The following FGD5 variants were observed in gnomAD, a reference collection of about 807,000 sequenced individuals.
FGD5 encodes the protein FYVE, RhoGEF and PH domain-containing protein 5.
A neutral mutation model predicts 133.4 loss-of-function variants in FGD5; 28 were observed. That is an observed-to-expected ratio of 0.21 (90% confidence interval 0.16 to 0.29). FGD5 has a LOEUF of 0.29. Among genes scored for constraint, FGD5 ranks in the 10% least tolerant of loss-of-function variants. FGD5 has a pLI of 1.00. For synonymous variants in FGD5, 810 were observed against 776.5 expected (o/e 1.04, Z -0.72); for missense variants, 1,858 against 1,895.2 (o/e 0.98, Z 0.36).
chr3:14,884,784 G>A (rs1421862035), intron 4 of FGD5, among the ~76,000 whole-genome samples: 4 of 152,136 alleles, frequency 2.6e-5, no homozygotes, highest in Non-Finnish European at 5.9e-5. Context: ...GGCAGCCGAA[G>A]GCCCATGGGA....
At chr3:14,887,746 G>A (rs573685244) in intron 4 of FGD5, among the ~76,000 whole-genome samples, 1 of 152,188 alleles carries the variant, frequency 6.6e-6, no homozygotes, top group East Asian at 1.9e-4. Context: ...ATCCAGCCCA[G>A]TCTTCTTGGA....
At chr3:14,853,636 C>CTTTTTTTTTTTTTTTTTTTTTT (rs34008934) in intron 1 of FGD5, among the ~76,000 whole-genome samples, 3 of 37,126 alleles carry the variant, frequency 8.1e-5, no homozygotes, top group Non-Finnish European at 9.0e-5. Context: ...AAAAGCGTTC[C>CTTTTTTTTTTTTTTTTTTTTTT]TTTTTTTTTT....
intron 13 of FGD5, among the ~76,000 whole-genome samples, chr3:14,920,127 T>C (rs1009097667): frequency 3.9e-5 from 6 of 152,086 alleles, no homozygotes; most frequent in African/African-American, 1.4e-4. Context: ...TCTCGGGGGC[T>C]TGGAAACCAG....
chr3:14,827,332 A>T (rs1173841736), intron 1 of FGD5, among the ~76,000 whole-genome samples: 1 of 129,040 alleles, frequency 7.7e-6, no homozygotes, highest in Non-Finnish European at 1.5e-5. Context: ...TCTGTTGCCC[A>T]GGCTGGAGTG....
intron 1 of FGD5, among the ~76,000 whole-genome samples, chr3:14,831,516 G>C (rs1258157909): frequency 6.6e-6 from 1 of 152,152 alleles, no homozygotes. Flanking sequence ...CTCTGGAGTG[G>C]TTTGGAACCA....
intron 18 of FGD5, among the ~76,000 whole-genome samples, chr3:14,928,826 T>C (rs2038857620): frequency 6.6e-6 from 1 of 152,224 alleles, no homozygotes; most frequent in African/African-American, 2.4e-5. Flanking sequence ...ACATTTCTTT[T>C]ATCAAGTACC....
rs772600943 is a variant in FGD5, at chr3:14,820,290, G to C, written c.1219G>C (p.Gly407Arg). 4.4e-6 allele frequency: 7 copies of C among 1,605,272 alleles called. No homozygotes were observed. The Admixed American group carries it at 1.2e-4, about 27-fold the overall frequency. ...CTCCCTACAGGGTGGAGCGGCCGAG[G>C]GTCCCGCAGCCCCTGATGTGGTGGT... ...CGSLQGGAAEGPAAPDVVVVL... is the reference protein window; with the variant it reads ...CGSLQGGAAERPAAPDVVVVL... The change falls in exon 1 of 20, where the codon GGT becomes CGT. Residue 407 changes from glycine (G) to arginine (R), a missense_variant. Physicochemically the swap from Gly to Arg is moderately radical, Grantham distance 125 (BLOSUM62 -2). This residue lies in a region of FGD5 where 1,824 missense variants were observed against 1,848.9 expected (regional missense o/e 0.99). Transcript: ENST00000285046.
At chr3:14,851,691 C>T (rs2037167952) in intron 1 of FGD5, among the ~76,000 whole-genome samples, 1 of 152,112 alleles carries the variant, frequency 6.6e-6, no homozygotes, top group South Asian at 2.1e-4. Context: ...TTATGAGGTT[C>T]CTGAAGATCT....
chr3:14,842,452 G>A (rs1028876157), intron 1 of FGD5, among the ~76,000 whole-genome samples: 1 of 152,180 alleles, frequency 6.6e-6, no homozygotes, highest in Admixed American at 6.5e-5. Context: ...GGGTTCCAGA[G>A]CCCATCTCAG....
In FGD5 at chr3:14,932,749, T is replaced by TA; in HGVS notation, c.4352+19dup. 1 of 1,608,296 alleles carries TA rather than the reference T, an allele frequency of 6.2e-7. No individual in the cohort carries two copies. Among genetic ancestry groups the TA allele is most frequent in the Non-Finnish European group, 8.5e-7 (1 of 1,178,090 alleles). ...GCTCAGAGGTACGAAAAGAACTAATTAGTCTTATAGCTTTTTGTTCTCTCA... is the reference window on the plus strand; with the variant it reads ...GCTCAGAGGTACGAAAAGAACTAATTAAGTCTTATAGCTTTTTGTTCTCTCA... On this transcript the variant is annotated intron_variant, in intron 19 of 19. Transcript: ENST00000285046.
intron 10 of FGD5, 36 bp from the exon 11 acceptor site, chr3:14,910,825 C>T (rs2038433759): frequency 4.4e-6 from 7 of 1,600,446 alleles, no homozygotes; most frequent in Non-Finnish European, 6.0e-6. Flanking sequence ...CAGGGGGCAT[C>T]AGCCTGACCG....
chr3:14,922,421 G>A lies in FGD5; in HGVS notation c.3680G>A (p.Arg1227Lys), dbSNP rs745734404. Residue 1227 changes from arginine (R) to lysine (K), a missense_variant, in exon 15 of 20, where the codon AGG becomes AAG. Around this residue, in one of 3 missense-constraint regions of FGD5, gnomAD observed 1,824 missense variants for 1,848.9 expected, o/e 0.99. Transcript: ENST00000285046. This position sits in a 1 kb window ranked among gnomAD's most constrained non-coding sequence, Gnocchi z 4.1. ...ATTCTGTTGCTGCAGATACGAGAGAGGCTGGGGGTTAGCCTTGGGGAGAGG... is the reference window on the plus strand; with the variant it reads ...ATTCTGTTGCTGCAGATACGAGAGAAGCTGGGGGTTAGCCTTGGGGAGAGG... ...AFHHSVEIRERLGVSLGERPP... is the reference protein window; with the variant it reads ...AFHHSVEIREKLGVSLGERPP... 1.3e-6 allele frequency: 2 copies of A among 1,567,362 alleles called. No homozygotes were observed. The highest frequency in any genetic ancestry group is 1.7e-6 in the Non-Finnish European group (2 of 1,155,984).
chr3:14,887,827 TGGCAA>T, intron 4 of FGD5, among the ~76,000 whole-genome samples: 1 of 152,190 alleles, frequency 6.6e-6, no homozygotes, highest in East Asian at 1.9e-4. Flanking sequence ...AGGCTGTGCC[TGGCAA>T]CAGGATCAAC....
chr3:14,933,105 A>G (rs1184446499), intron 19 of FGD5, 26 bp from the exon 20 acceptor site: 4 of 1,611,758 alleles, frequency 2.5e-6, no homozygotes, highest in East Asian at 2.2e-5. Flanking sequence ...CGCAAAACCA[A>G]ATGTCCTCCC....
At chr3:14,903,178 T>C (rs2038274955) in intron 9 of FGD5, among the ~76,000 whole-genome samples, 1 of 152,066 alleles carries the variant, frequency 6.6e-6, no homozygotes, top group Non-Finnish European at 1.5e-5. Flanking sequence ...CATTAAACTC[T>C]AACTCCTCAT....
intron 1 of FGD5, among the ~76,000 whole-genome samples, chr3:14,831,811 C>T (rs903550530): frequency 6.6e-6 from 1 of 152,152 alleles, no homozygotes; most frequent in African/African-American, 2.4e-5. Context: ...GTGAAGAAGC[C>T]ACTACAGAAA....
chr3:14,905,496 A>T (rs2038321894), intron 9 of FGD5, among the ~76,000 whole-genome samples: 1 of 152,086 alleles, frequency 6.6e-6, no homozygotes, highest in Non-Finnish European at 1.5e-5. Context: ...TTCAGTATGG[A>T]TCATCTCCAC....
chr3:14,900,240 G>A (rs2038211956), intron 7 of FGD5, among the ~76,000 whole-genome samples, 163 bp from the exon 8 acceptor site: 1 of 152,174 alleles, frequency 6.6e-6, no homozygotes, highest in Non-Finnish European at 1.5e-5. Flanking sequence ...GTGGTCCTGG[G>A]GGCCTGGTTT....
chr3:14,830,889 C>G (rs1473586222), intron 1 of FGD5, among the ~76,000 whole-genome samples: 1 of 152,116 alleles, frequency 6.6e-6, no homozygotes, highest in Non-Finnish European at 1.5e-5. Flanking sequence ...TGAACAGACT[C>G]CTTGTGCTGG....
Sources: gnomAD v4.1 joint callset for allele counts (sites outside exome capture counted in the v4.1 genomes callset) on GRCh38, gnomAD v4.1.1 for gene constraint, gnomAD v4.1.1 regional missense constraint, Gnocchi (gnomAD v3.1) non-coding constraint, MANE v1.5 for transcripts, NCBI Gene and HGNC (gene_info 2026-07-23, HGNC 2026-07-21) for gene names.